The following PTPRD variants were observed in gnomAD, a reference collection of about 807,000 sequenced individuals.
The protein encoded by PTPRD is protein tyrosine phosphatase receptor type D.
A neutral mutation model predicts 214.5 loss-of-function variants in PTPRD; 34 were observed. The ratio of observed to expected loss-of-function variants is 0.16; its 90% CI spans 0.12 to 0.21. The LOEUF is 0.21. Among genes scored for constraint, PTPRD ranks in the 10% least tolerant of loss-of-function variants. The probability of loss-of-function intolerance (pLI) is 1.00; values close to 1 mark genes in which losing one functional copy is unlikely to be tolerated. For synonymous variants in PTPRD, 1,128 were observed against 845.7 expected (o/e 1.33, Z -5.79); for missense variants, 2,545 against 2,398.7 (o/e 1.06, Z -1.27).
At chr9:9,822,941 T>C (rs2051302765) in intron 5 of PTPRD, among the ~76,000 whole-genome samples, 1 of 152,128 alleles carries the variant, frequency 6.6e-6, no homozygotes, top group Non-Finnish European at 1.5e-5. Context: ...AGTACTACCA[T>C]TTATTCCAGC....
chr9:9,603,813 T>C (rs1370140204), intron 7 of PTPRD, among the ~76,000 whole-genome samples: 11 of 151,620 alleles, frequency 7.3e-5, no homozygotes, highest in African/African-American at 2.7e-4. Flanking sequence ...TCCTAGAACT[T>C]TTAGTAAGAG....
intron 8 of PTPRD, among the ~76,000 whole-genome samples, chr9:9,570,241 G>C (rs886210569): frequency 1.3e-5 from 2 of 151,478 alleles, no homozygotes; most frequent in African/African-American, 2.4e-5. Flanking sequence ...AACGGTGTTT[G>C]TGACTTCAGA....
chr9:8,485,850 T>C lies in PTPRD; in HGVS notation c.2967A>G (p.Thr989=), dbSNP rs372688371. The C allele has an allele frequency of 6.2e-7, 1 of 1,614,124 alleles. No individual in the cohort carries two copies. The highest frequency in any genetic ancestry group is 8.5e-7 in the Non-Finnish European group (1 of 1,180,012). ...TATGAGCACGTACTTTTACATCGTA[T>C]GTGGTATCTGGTTTTAAGCCAGTGA... ...MTLTGLKPDT[T]YDVKVRAHTS... is the part of the protein sequence containing the mutation. The change falls in exon 28 of 46, where the codon ACA becomes ACG. Residue 989 remains threonine, a synonymous_variant. Coordinates refer to ENST00000381196, the MANE Select transcript of PTPRD (RefSeq NM_002839.4).
intron 3 of PTPRD, among the ~76,000 whole-genome samples, chr9:10,162,689 G>A (rs118160923): frequency 0.11 from 15,528 of 144,522 alleles, 1,059 homozygotes; most frequent in South Asian, 0.2. Context: ...GTATATATGT[G>A]TATATATATA....
chr9:10,155,250 C>T (rs764667676), intron 3 of PTPRD, among the ~76,000 whole-genome samples: 12 of 151,838 alleles, frequency 7.9e-5, no homozygotes, highest in Non-Finnish European at 1.3e-4. Flanking sequence ...CTCAGTTTGA[C>T]GGTTATTGGC....
At chr9:9,236,566 T>A (rs754128556) in intron 9 of PTPRD, among the ~76,000 whole-genome samples, 3 of 147,114 alleles carry the variant, frequency 2.0e-5, no homozygotes, top group Non-Finnish European at 4.5e-5. Flanking sequence ...TTTTTCTAAA[T>A]CTAGCTCCAT....
intron 12 of PTPRD, among the ~76,000 whole-genome samples, chr9:8,714,878 T>G (rs1367543756): frequency 2.6e-5 from 4 of 152,188 alleles, no homozygotes; most frequent in African/African-American, 9.7e-5. Flanking sequence ...GTATTGTTTA[T>G]TATATTGTAT....
intron 2 of PTPRD, among the ~76,000 whole-genome samples, chr9:10,369,548 G>C (rs980120093): frequency 1.3e-5 from 2 of 152,086 alleles, no homozygotes; most frequent in Non-Finnish European, 2.9e-5. Context: ...GTATAAGAAT[G>C]AGGCTAGTGG....
intron 30 of PTPRD, among the ~76,000 whole-genome samples, chr9:8,478,468 A>G (rs1014884423): frequency 5.9e-5 from 9 of 152,188 alleles, no homozygotes; most frequent in African/African-American, 1.7e-4. Context: ...AACGGTTGTT[A>G]TAAAATTAAT....
intron 12 of PTPRD, among the ~76,000 whole-genome samples, chr9:8,644,451 T>C (rs142500561): frequency 6.6e-6 from 1 of 152,336 alleles, no homozygotes; most frequent in African/African-American, 2.4e-5. Context: ...ACCAGCCAAC[T>C]GGCAAGGCTA....
chr9:9,299,707 G>C (rs1954515190), intron 9 of PTPRD, among the ~76,000 whole-genome samples: 2 of 151,418 alleles, frequency 1.3e-5, no homozygotes, highest in African/African-American at 2.4e-5. Context: ...ATTTCCATTG[G>C]TGTGATCTTA....
At chr9:9,161,037 G>T (rs945651442) in intron 10 of PTPRD, among the ~76,000 whole-genome samples, 2 of 152,096 alleles carry the variant, frequency 1.3e-5, no homozygotes, top group Admixed American at 6.6e-5. Context: ...CTGGGATATG[G>T]GGCAGGGGGT....
chr9:9,924,897 T>G (rs2083735206), intron 5 of PTPRD, among the ~76,000 whole-genome samples: 3 of 152,146 alleles, frequency 2.0e-5, no homozygotes, highest in Admixed American at 6.6e-5. Context: ...CTTCTGTCCT[T>G]GCTTTCAACT....
At chr9:8,600,325 C>T (rs1354524327) in intron 14 of PTPRD, among the ~76,000 whole-genome samples, 1 of 152,140 alleles carries the variant, frequency 6.6e-6, no homozygotes, top group East Asian at 1.9e-4. Context: ...ACTCCAGGGG[C>T]AGTCTAGGCC....
intron 2 of PTPRD, among the ~76,000 whole-genome samples, chr9:10,495,701 T>C (rs1232185411): frequency 1.3e-5 from 2 of 151,848 alleles, no homozygotes; most frequent in African/African-American, 4.8e-5. Flanking sequence ...ATAGAGACTG[T>C]ATGAAACATT....
At chr9:8,907,727 T>C (rs538215869) in intron 11 of PTPRD, among the ~76,000 whole-genome samples, 1 of 151,760 alleles carries the variant, frequency 6.6e-6, no homozygotes, top group South Asian at 2.1e-4. Context: ...TCAGTGATTC[T>C]AAAAAGAGAT....
At chr9:10,564,168 A>ACTCTTTTTTTTTT (rs2064896205) in intron 2 of PTPRD, among the ~76,000 whole-genome samples, 6 of 11,876 alleles carry the variant, frequency 5.1e-4, no homozygotes, top group Non-Finnish European at 5.8e-4. Context: ...ACACTAGGCT[A>ACTCTTTTTTTTTT]TTCTTTTTTT....
intron 12 of PTPRD, among the ~76,000 whole-genome samples, chr9:8,688,593 A>G (rs1269135450): frequency 2.0e-5 from 3 of 151,566 alleles, no homozygotes; most frequent in Non-Finnish European, 2.9e-5. Context: ...AAAAATATAT[A>G]TAAGATGGTA....
intron 5 of PTPRD, among the ~76,000 whole-genome samples, chr9:9,821,636 A>C (rs182783313): frequency 6.6e-6 from 1 of 152,184 alleles, no homozygotes; most frequent in Non-Finnish European, 1.5e-5. Flanking sequence ...AAAAATACTG[A>C]TATTGTTGCC....
Sources: allele counts gnomAD v4.1 joint callset (sites outside exome capture counted in the v4.1 genomes callset), GRCh38; gene constraint gnomAD v4.1.1; transcripts MANE v1.5; gene names NCBI Gene and HGNC (gene_info 2026-07-23, HGNC 2026-07-21).